ABCD3: variants seen among roughly 807,000 people sequenced by gnomAD.
The protein encoded by ABCD3 is ATP binding cassette subfamily D member 3, also known as ATP-binding cassette sub-family D member 3.
Under a neutral mutation model 105.5 loss-of-function variants are expected in ABCD3, and 41 were observed. That is an observed-to-expected ratio of 0.39 (90% CI 0.30 to 0.50). ABCD3 has a LOEUF of 0.50. Ranked by LOEUF, ABCD3 falls within the 20% of genes least tolerant of loss-of-function variation. The pLI is 0.84. For synonymous variants in ABCD3, 258 were observed against 269.0 expected, an observed-to-expected ratio of 0.96 and a Z score of 0.40; for missense variants, 622 against 806.3, an observed-to-expected ratio of 0.77 and a Z score of 2.77.
At chr1:94,507,465 C>G (rs1213887098) in intron 21 of ABCD3, among the ~76,000 whole-genome samples, 1 of 152,088 alleles carries the variant, frequency 6.6e-6, no homozygotes, top group African/African-American at 2.4e-5. Flanking sequence ...GTGCATGTGT[C>G]TTTATAGCAG....
At chr1:94,386,793 T>A in the ABCD3 span, among the ~76,000 whole-genome samples, 3 of 152,190 alleles carry the variant, frequency 2.0e-5, no homozygotes, top group Non-Finnish European at 4.4e-5. Context: ...AGGCGGAGGT[T>A]GCAGTGAGCT....
chr1:94,406,415 A>G, the ABCD3 span: 1 of 355,446 alleles, frequency 2.8e-6, no homozygotes, highest in Non-Finnish European at 5.6e-6. Flanking sequence ...ATTCATAGGG[A>G]ATAGGTTACA....
At chr1:94,389,270 A>C in the ABCD3 span, among the ~76,000 whole-genome samples, 2 of 152,196 alleles carry the variant, frequency 1.3e-5, no homozygotes, top group Non-Finnish European at 1.5e-5. Flanking sequence ...ACAGGCCCCC[A>C]CATCTGGCCA....
the ABCD3 span, among the ~76,000 whole-genome samples, chr1:94,391,834 A>T: frequency 6.6e-6 from 1 of 152,244 alleles, no homozygotes; most frequent in African/African-American, 2.4e-5. Context: ...GACCAATCAG[A>T]GGTTGAAGTG....
At chr1:94,408,002 G>A in the ABCD3 span, among the ~76,000 whole-genome samples, 1 of 152,216 alleles carries the variant, frequency 6.6e-6, no homozygotes, top group Non-Finnish European at 1.5e-5. Flanking sequence ...GAATAGTGGT[G>A]GCTGAGGTTC....
At chr1:94,447,669 C>T (rs914421371) in intron 1 of ABCD3, among the ~76,000 whole-genome samples, 5 of 152,136 alleles carry the variant, frequency 3.3e-5, no homozygotes, top group East Asian at 1.9e-4. Flanking sequence ...TGCCCCCTAT[C>T]GAGAAACATT....
chr1:94,422,668 G>A (rs1659304438), intron 1 of ABCD3, among the ~76,000 whole-genome samples: 1 of 152,140 alleles, frequency 6.6e-6, no homozygotes, highest in African/African-American at 2.4e-5. Context: ...TTATAGAGAG[G>A]ATAAATGACA....
At chr1:94,459,382 T>A (rs1005639277) in intron 2 of ABCD3, among the ~76,000 whole-genome samples, 4 of 152,154 alleles carry the variant, frequency 2.6e-5, no homozygotes, top group African/African-American at 9.7e-5. Context: ...TCCTTAGGCA[T>A]TGTGCTTAGA....
At chr1:94,396,612 C>CGT in the ABCD3 span, among the ~76,000 whole-genome samples, 104 of 143,888 alleles carry the variant, frequency 7.2e-4, no homozygotes, top group African/African-American at 2.7e-3. Flanking sequence ...TGTGTGTGTG[C>CGT]GCGCGCGCAC....
At chr1:94,457,237 A>C (rs1438421389) in intron 1 of ABCD3, among the ~76,000 whole-genome samples, 2 of 152,230 alleles carry the variant, frequency 1.3e-5, no homozygotes, top group Non-Finnish European at 2.9e-5. Flanking sequence ...TTTGTATAAC[A>C]GTTTTACAAT....
intron 15 of ABCD3, 98 bp from the exon 16 acceptor site, chr1:94,491,086 C>T (rs1243163242): frequency 1.2e-6 from 1 of 854,562 alleles, no homozygotes; most frequent in East Asian, 2.6e-5. Flanking sequence ...AAGCTCTTTG[C>T]CCATTTTTTA....
chr1:94,412,498 A>G, the ABCD3 span, among the ~76,000 whole-genome samples: 1 of 152,190 alleles, frequency 6.6e-6, no homozygotes, highest in Non-Finnish European at 1.5e-5. Flanking sequence ...TGAGTGTATA[A>G]TATTCCATTA....
At chr1:94,453,323 C>CTTT (rs766404829) in intron 1 of ABCD3, among the ~76,000 whole-genome samples, 1 of 135,468 alleles carries the variant, frequency 7.4e-6, no homozygotes, top group African/African-American at 2.7e-5. Context: ...TTATATTTTT[C>CTTT]TTTTTTTTTT....
chr1:94,425,473 A>G (rs572875445), intron 1 of ABCD3, among the ~76,000 whole-genome samples: 15 of 152,258 alleles, frequency 9.9e-5, no homozygotes, highest in East Asian at 1.9e-4. Context: ...TGGAATTTTT[A>G]TGGATTATAC....
Position 94,467,936 on chromosome 1 carries a change from T to C in ABCD3, c.264T>C (p.Leu88=). The part of the protein sequence containing the change: ...TFCKETGYLV[L]IAVMLVSRTY... ...TATTTTAGACAGGTTACTTGGTACT[T>C]ATTGCTGTTATGCTGGTGTCTCGAA... Residue 88 remains leucine, a synonymous_variant, in exon 4 of 23, where the codon CTT becomes CTC. Coordinates refer to ENST00000370214, the MANE Select transcript of ABCD3 (RefSeq NM_002858.4). The C allele has an allele frequency of 6.2e-7, 1 of 1,612,966 alleles. No individual in the cohort carries two copies. The highest frequency in any genetic ancestry group is 8.5e-7 in the Non-Finnish European group (1 of 1,179,146).
the ABCD3 span, among the ~76,000 whole-genome samples, chr1:94,404,394 TC>T: frequency 2.0e-5 from 3 of 152,316 alleles, no homozygotes; most frequent in Non-Finnish European, 4.4e-5. Context: ...CTACATGGAT[TC>T]CTTCCTTCTT....
chr1:94,508,068 T>C (rs1199151445), intron 21 of ABCD3, among the ~76,000 whole-genome samples: 1 of 151,292 alleles, frequency 6.6e-6, no homozygotes, highest in Non-Finnish European at 1.5e-5. Flanking sequence ...TCCTTGCCCA[T>C]GCCTATGTCC....
intron 2 of ABCD3, among the ~76,000 whole-genome samples, chr1:94,461,306 A>G (rs749914721): frequency 6.6e-6 from 1 of 151,954 alleles, no homozygotes; most frequent in Non-Finnish European, 1.5e-5. Context: ...TAGGGTGGGG[A>G]GAGGCAATTT....
the ABCD3 span, among the ~76,000 whole-genome samples, chr1:94,392,001 C>G: frequency 2.6e-5 from 4 of 151,984 alleles, no homozygotes; most frequent in African/African-American, 9.7e-5. Context: ...GGCCTTTGGT[C>G]CTTTCGTTAC....
Sources: allele counts gnomAD v4.1 joint callset (sites outside exome capture counted in the v4.1 genomes callset), GRCh38; gene constraint gnomAD v4.1.1; transcripts MANE v1.5; gene names NCBI Gene and HGNC (gene_info 2026-07-23, HGNC 2026-07-21).